UNC5C: variants seen among roughly 807,000 people sequenced by gnomAD.
The protein encoded by UNC5C is netrin receptor UNC5C.
In UNC5C, 47 loss-of-function variants were observed where a neutral mutation model predicts 99.8. The observed-to-expected ratio is 0.47, with a 90% CI of 0.37 to 0.60. The LOEUF is 0.60. Ranked by LOEUF, UNC5C falls within the 20% of genes least tolerant of loss-of-function variation. The probability of loss-of-function intolerance (pLI) is 0.00; values close to 1 mark genes in which losing one functional copy is unlikely to be tolerated. For synonymous variants in UNC5C, 487 were observed against 452.2 expected (o/e 1.08, Z -0.98); for missense variants, 1,062 against 1,165.9 (o/e 0.91, Z 1.30).
At chr4:95,292,505 C>T (rs532768752) in intron 3 of UNC5C, among the ~76,000 whole-genome samples, 100 of 152,048 alleles carry the variant, frequency 6.6e-4, no homozygotes, top group African/African-American at 2.1e-3. Context: ...TCACCCTAGG[C>T]GTTTTGAATT....
chr4:95,409,903 G>A (rs1168760504), intron 1 of UNC5C, among the ~76,000 whole-genome samples: 1 of 151,978 alleles, frequency 6.6e-6, no homozygotes, highest in East Asian at 1.9e-4. Flanking sequence ...GTGCGCCTAG[G>A]GCTGGCCTGA....
rs1215161773 is a variant in UNC5C at position 95,527,654 on chromosome 4, T to C, written c.124+21080A>G. ...TTTACCTATTTAAAGAAAAATGAAATTTATTTTTATGGACATATAATTTCC... is the reference window on the plus strand; with the variant it reads ...TTTACCTATTTAAAGAAAAATGAAACTTATTTTTATGGACATATAATTTCC... On this transcript the variant is annotated intron_variant, in intron 1 of 15. Transcript: ENST00000453304. Among the ~76,000 whole-genome samples, 4 of 152,190 alleles carry C rather than the reference T, an allele frequency of 2.6e-5. No homozygotes were observed. In the East Asian group the frequency reaches 7.8e-4, roughly 30 times the overall value.
At chr4:95,375,542 T>G (rs1484648794) in intron 1 of UNC5C, among the ~76,000 whole-genome samples, 1 of 152,118 alleles carries the variant, frequency 6.6e-6, no homozygotes. Flanking sequence ...CACAAAAGCA[T>G]CATACAATTA....
At chr4:95,216,772 C>T (rs536860782) in intron 9 of UNC5C, among the ~76,000 whole-genome samples, 1 of 152,328 alleles carries the variant, frequency 6.6e-6, no homozygotes, top group South Asian at 2.1e-4. Context: ...CTAATCGGTG[C>T]CCTTTGGCAG....
At chr4:95,500,411 G>T (rs1023181759) in intron 1 of UNC5C, among the ~76,000 whole-genome samples, 3 of 151,830 alleles carry the variant, frequency 2.0e-5, no homozygotes, top group Non-Finnish European at 4.4e-5. Flanking sequence ...GCCATATTAA[G>T]TTCTAAAAAA....
intron 2 of UNC5C, among the ~76,000 whole-genome samples, chr4:95,319,327 G>A (rs1368125336): frequency 6.6e-6 from 1 of 152,116 alleles, no homozygotes; most frequent in Non-Finnish European, 1.5e-5. Context: ...GACACTTCCT[G>A]CCCTAATAGT....
chr4:95,247,605 G>T (rs2149380700), intron 5 of UNC5C, among the ~76,000 whole-genome samples: 1 of 152,284 alleles, frequency 6.6e-6, no homozygotes, highest in South Asian at 2.1e-4. Flanking sequence ...AGGGCTCAGA[G>T]AATCCTGGTT....
intron 1 of UNC5C, among the ~76,000 whole-genome samples, chr4:95,383,289 A>G (rs901237419): frequency 1.4e-5 from 2 of 146,734 alleles, no homozygotes; most frequent in African/African-American, 5.0e-5. Context: ...ACACACACAC[A>G]CTTATTTATT....
chr4:95,337,439 A>G (rs950990654), intron 1 of UNC5C, among the ~76,000 whole-genome samples: 1 of 151,942 alleles, frequency 6.6e-6, no homozygotes, highest in African/African-American at 2.4e-5. Flanking sequence ...ATGCTATAGA[A>G]AAACTTCATA....
At chr4:95,215,832 TCTGGAC>T (rs1318432780) in intron 10 of UNC5C, among the ~76,000 whole-genome samples, 4 of 152,178 alleles carry the variant, frequency 2.6e-5, no homozygotes, top group African/African-American at 9.7e-5. Context: ...CACTTGTCTC[TCTGGAC>T]AATCTAGGGA....
At chr4:95,498,763 C>T (rs1431632415) in intron 1 of UNC5C, among the ~76,000 whole-genome samples, 1 of 150,834 alleles carries the variant, frequency 6.6e-6, no homozygotes, top group African/African-American at 2.4e-5. Flanking sequence ...CAAATTTTGC[C>T]TTTAAAATTT....
At chr4:95,484,137 T>G (rs1312466282) in intron 1 of UNC5C, among the ~76,000 whole-genome samples, 3 of 151,776 alleles carry the variant, frequency 2.0e-5, no homozygotes, top group Admixed American at 6.6e-5. Flanking sequence ...AGGAAGGGCT[T>G]CTCTATTAAG....
At chr4:95,382,056 A>C (rs1040734478) in intron 1 of UNC5C, among the ~76,000 whole-genome samples, 3 of 152,156 alleles carry the variant, frequency 2.0e-5, no homozygotes, top group African/African-American at 7.2e-5. Context: ...GTCAATCCAC[A>C]ATTGGTGCTA....
At chr4:95,262,069 T>C (rs570904365) in intron 4 of UNC5C, among the ~76,000 whole-genome samples, 1 of 152,336 alleles carries the variant, frequency 6.6e-6, no homozygotes, top group Admixed American at 6.5e-5. Flanking sequence ...AGACATCTTT[T>C]GCATGAAAAT....
chr4:95,529,522 T>A (rs1177358196), intron 1 of UNC5C, among the ~76,000 whole-genome samples: 1 of 151,652 alleles, frequency 6.6e-6, no homozygotes, highest in Non-Finnish European at 1.5e-5. Flanking sequence ...GACCAGGAGC[T>A]CAAGACCAAC....
At chr4:95,486,838 G>A (rs1721341008) in intron 1 of UNC5C, among the ~76,000 whole-genome samples, 1 of 151,496 alleles carries the variant, frequency 6.6e-6, no homozygotes, top group African/African-American at 2.4e-5. Flanking sequence ...TGGTTTGAAT[G>A]TGTCCCACCA....
At chr4:95,360,320 C>A (rs899175620) in intron 1 of UNC5C, among the ~76,000 whole-genome samples, 1 of 151,974 alleles carries the variant, frequency 6.6e-6, no homozygotes, top group Non-Finnish European at 1.5e-5. Context: ...TACTGGTAAT[C>A]TGTAAGTTAA....
rs59361513 is a variant in UNC5C, at chr4:95,403,321, C to T, written c.125-67690G>A. Among the ~76,000 whole-genome samples, 1,487 of 152,230 alleles carry T rather than the reference C, an allele frequency of 9.8e-3. 24 individuals carry two copies. The highest frequency in any genetic ancestry group is 0.033 in the African/African-American group (1,383 of 41,532). ...CAAACTCATGTTGGTAGAGCAATCT[C>T]GGGCATGTTCTTGAACAGGACAGGT... On this transcript the variant is annotated intron_variant, in intron 1 of 15. Transcript: ENST00000453304.
chr4:95,457,329 A>G (rs1269556045), intron 1 of UNC5C, among the ~76,000 whole-genome samples: 2 of 152,134 alleles, frequency 1.3e-5, no homozygotes, highest in East Asian at 3.8e-4. Flanking sequence ...AGGGTGTTTT[A>G]CACCATATTA....
Sources: allele counts gnomAD v4.1 joint callset (sites outside exome capture counted in the v4.1 genomes callset), GRCh38; gene constraint gnomAD v4.1.1; transcripts MANE v1.5; gene names NCBI Gene and HGNC (gene_info 2026-07-23, HGNC 2026-07-21).